Variants in DMD observed in about 807,000 individuals in gnomAD.
The protein encoded by DMD is mutant dystrophin.
DMD carries 63 observed loss-of-function variants against 330.1 expected under a neutral mutation model. The ratio of observed to expected loss-of-function variants is 0.19; its 90% CI spans 0.16 to 0.24. DMD has a LOEUF of 0.24. Among genes scored for constraint, DMD ranks in the 10% least tolerant of loss-of-function variants. The probability of loss-of-function intolerance (pLI) is 1.00; values close to 1 mark genes in which losing one functional copy is unlikely to be tolerated. For synonymous variants in DMD, 1,223 were observed against 959.8 expected (o/e 1.27, Z -5.07); for missense variants, 3,344 against 2,684.1 (o/e 1.25, Z -5.43).
chrX:32,403,304 G>A (rs904568226), intron 30 of DMD, among the ~76,000 whole-genome samples: 3 of 111,536 alleles, frequency 2.7e-5, no homozygotes, highest in African/African-American at 9.8e-5. Context: ...AATATTCAGA[G>A]TGTTGCAATA....
chrX:33,144,739 T>C (rs2047947714), intron 1 of DMD, among the ~76,000 whole-genome samples: 1 of 111,421 alleles, frequency 9.0e-6, no homozygotes, highest in Non-Finnish European at 1.9e-5. Flanking sequence ...CTATCTTGTC[T>C]TTGGATTTCT....
chrX:31,905,681 AG>A (rs1330227851), intron 47 of DMD, among the ~76,000 whole-genome samples: 1 of 110,682 alleles, frequency 9.0e-6, no homozygotes, highest in African/African-American at 3.3e-5. Context: ...ACACATCTTG[AG>A]AGGGTGAGAT....
At chrX:33,107,141 G>A (rs1234560871) in intron 1 of DMD, among the ~76,000 whole-genome samples, 2 of 111,245 alleles carry the variant, frequency 1.8e-5, no homozygotes, top group Admixed American at 9.6e-5. Flanking sequence ...GTGAAACCCC[G>A]TCTCTACTAA....
At chrX:31,736,868 G>A (rs1019823334) in intron 51 of DMD, among the ~76,000 whole-genome samples, 2 of 111,045 alleles carry the variant, frequency 1.8e-5, no homozygotes, top group African/African-American at 6.5e-5. Flanking sequence ...ACTATTTTCA[G>A]TATGTTACTT....
intron 44 of DMD, among the ~76,000 whole-genome samples, chrX:32,118,041 T>C (rs1414033860): frequency 1.2e-4 from 13 of 111,160 alleles, no homozygotes; most frequent in African/African-American, 4.3e-4. Flanking sequence ...TCCATGAAAT[T>C]CTCAATCCTA....
At chrX:31,866,373 C>T (rs985550785) in intron 48 of DMD, among the ~76,000 whole-genome samples, 4 of 111,668 alleles carry the variant, frequency 3.6e-5, no homozygotes, top group Non-Finnish European at 7.5e-5. Flanking sequence ...AGACTGGATA[C>T]CGTGTACGTT....
chrX:32,837,920 C>A (rs1016877802), intron 4 of DMD, among the ~76,000 whole-genome samples: 2 of 111,655 alleles, frequency 1.8e-5, no homozygotes, highest in Non-Finnish European at 3.8e-5. Context: ...TAAACTATTG[C>A]TCTTCTTGCA....
At chrX:32,784,139 G>A (rs944082257) in intron 7 of DMD, among the ~76,000 whole-genome samples, 63 of 110,857 alleles carry the variant, frequency 5.7e-4, no homozygotes, top group Admixed American at 4.8e-4. Context: ...CTATTAAATC[G>A]TTTTCTGAGT....
At chrX:31,867,089 T>TATATATATATATATATATATA (rs1395456607) in intron 48 of DMD, among the ~76,000 whole-genome samples, 18 of 63,452 alleles carry the variant, frequency 2.8e-4, no homozygotes, top group African/African-American at 1.3e-3. Context: ...GCAACATATT[T>TATATATATATATATATATATA]TGATATATAT....
intron 50 of DMD, among the ~76,000 whole-genome samples, chrX:31,805,734 C>G (rs1227375941): frequency 8.9e-6 from 1 of 112,037 alleles, no homozygotes; most frequent in African/African-American, 3.2e-5. Flanking sequence ...CCATTCTATG[C>G]TAAGTAAGTG....
intron 26 of DMD, among the ~76,000 whole-genome samples, chrX:32,453,740 C>A (rs1029392832): frequency 9.0e-6 from 1 of 110,613 alleles, no homozygotes; most frequent in Non-Finnish European, 1.9e-5. Flanking sequence ...TGTAACTCAC[C>A]CCAATTTATA....
At chrX:32,231,715 G>A (rs1569552248) in intron 43 of DMD, among the ~76,000 whole-genome samples, 1 of 111,358 alleles carries the variant, frequency 9.0e-6, no homozygotes, top group Non-Finnish European at 1.9e-5. Context: ...TTCCTGTGAA[G>A]GTAGTTATAA....
At chrX:31,337,066 G>C (rs745785033) in intron 61 of DMD, among the ~76,000 whole-genome samples, 15 of 109,294 alleles carry the variant, frequency 1.4e-4, no homozygotes, top group Admixed American at 1.1e-3. Context: ...TGGGATTACA[G>C]GTGTGCGCCA....
intron 52 of DMD, among the ~76,000 whole-genome samples, chrX:31,682,814 T>C: frequency 8.9e-6 from 1 of 112,528 alleles, no homozygotes; most frequent in Non-Finnish European, 1.9e-5. Context: ...TTTTGATTCA[T>C]GCCAGTAAAT....
chrX:32,446,280 C>T (rs1229034684), intron 27 of DMD, among the ~76,000 whole-genome samples: 1 of 110,067 alleles, frequency 9.1e-6, no homozygotes, highest in Non-Finnish European at 1.9e-5. Context: ...TAGGGTGAAA[C>T]TGCAGAGCAG....
intron 2 of DMD, among the ~76,000 whole-genome samples, chrX:33,012,309 C>A (rs919478382): frequency 5.4e-5 from 6 of 111,482 alleles, no homozygotes; most frequent in African/African-American, 2.0e-4. Flanking sequence ...TTCGACAAGT[C>A]ATCTTAACAC....
rs755521442 is a variant in DMD, at chrX:31,667,265, T to TC, written c.7873-9122dup. 4.1e-4 allele frequency among the ~76,000 whole-genome samples: 46 copies of TC among 112,297 alleles called. No individual in the cohort carries two copies. In the East Asian group the frequency reaches 0.012, roughly 29 times the overall value. ...TTACAGTGCATATCAGTATTTCATT[T>TC]CTTTTTATTGCTAAATAATATTCCA... On this transcript the variant is annotated intron_variant, in intron 53 of 78. Coordinates refer to ENST00000357033, the MANE Select transcript of DMD (RefSeq NM_004006.3).
chrX:31,462,217 C>T (rs2066574721), intron 59 of DMD, among the ~76,000 whole-genome samples: 1 of 112,030 alleles, frequency 8.9e-6, no homozygotes, highest in Non-Finnish European at 1.9e-5. Flanking sequence ...TTGTGGCTTA[C>T]GCCTGTAATC....
At chrX:32,188,472 T>C (rs762267256) in intron 44 of DMD, among the ~76,000 whole-genome samples, 23 of 102,644 alleles carry the variant, frequency 2.2e-4, no homozygotes, top group Non-Finnish European at 3.8e-4. Flanking sequence ...TTTTGGTCTA[T>C]AGTTAAACTT....
Sources: gnomAD v4.1 joint callset for allele counts (sites outside exome capture counted in the v4.1 genomes callset) on GRCh38, gnomAD v4.1.1 for gene constraint, MANE v1.5 for transcripts, NCBI Gene and HGNC (gene_info 2026-07-23, HGNC 2026-07-21) for gene names.